The following ERCC6 variants were observed in gnomAD, a reference collection of about 807,000 sequenced individuals.
ERCC6 encodes ERCC excision repair 6, chromatin remodeling factor.
A neutral mutation model predicts 158.7 loss-of-function variants in ERCC6; 116 were observed. That is an observed-to-expected ratio of 0.73 (90% CI 0.63 to 0.85). The LOEUF is 0.85. Ranked by LOEUF, ERCC6 falls within the 40% of genes least tolerant of loss-of-function variation. The probability of loss-of-function intolerance (pLI) is 0.00; values close to 1 mark genes in which losing one functional copy is unlikely to be tolerated. For missense variants in ERCC6, 1,698 were observed against 1,799.4 expected, an observed-to-expected ratio of 0.94 and a Z score of 1.02; for synonymous variants, 678 against 659.3, an observed-to-expected ratio of 1.03 and a Z score of -0.43.
chr10:49,532,435 G>T, intron 2 of ERCC6, 108 bp downstream of exon 2: 1 of 1,542,914 alleles, frequency 6.5e-7, no homozygotes, highest in Non-Finnish European at 8.8e-7. Context: ...CCAAATAAAA[G>T]GTTCTACACA....
chr10:49,465,521 G>A (rs1421026999), intron 18 of ERCC6, among the ~76,000 whole-genome samples: 2 of 152,100 alleles, frequency 1.3e-5, no homozygotes, highest in East Asian at 1.9e-4. Flanking sequence ...GATATGGGAG[G>A]GGCCAGAGGT....
Position 49,461,383 on chromosome 10 carries a change from T to C in ERCC6, c.3952A>G (p.Arg1318Gly), listed in dbSNP as rs772464804. The C allele has an allele frequency of 6.2e-7, 1 of 1,613,742 alleles. No homozygotes were observed. Among genetic ancestry groups the C allele is most frequent in the Non-Finnish European group, 8.5e-7 (1 of 1,179,972 alleles). Residue 1318 changes from arginine to glycine, a missense_variant, in exon 19 of 21, where the codon AGG becomes GGG. Coordinates refer to ENST00000355832, the MANE Select transcript of ERCC6 (RefSeq NM_000124.4). ...VSGVPTWTGH[R>G]GISGAPAGKK... ...CCTGCTGGTGCACCAGAAATCCCCCTGTGGCCAGTCCAGGTGGGAACACCA... is the reference window on the plus strand; with the variant it reads ...CCTGCTGGTGCACCAGAAATCCCCCCGTGGCCAGTCCAGGTGGGAACACCA...
chr10:49,496,769 C>T (rs1427285764), intron 7 of ERCC6, among the ~76,000 whole-genome samples: 2 of 152,148 alleles, frequency 1.3e-5, no homozygotes, highest in Non-Finnish European at 2.9e-5. Flanking sequence ...GATTGTGCCA[C>T]TGCACTCCAG....
At chr10:49,467,872 A>C (rs1283919346) in intron 18 of ERCC6, among the ~76,000 whole-genome samples, 5 of 152,010 alleles carry the variant, frequency 3.3e-5, no homozygotes, top group Non-Finnish European at 7.4e-5. Context: ...CCAGCCAGTA[A>C]TTTTTTATTG....
chr10:49,472,601 C>A (rs1402396593), intron 15 of ERCC6, 131 bp from the exon 16 acceptor site: 1 of 905,598 alleles, frequency 1.1e-6, no homozygotes, highest in Admixed American at 1.9e-5. Flanking sequence ...ACGTCAAGTA[C>A]ACCTAAGGCC....
chr10:49,481,835 C>T (rs182334619), intron 10 of ERCC6, among the ~76,000 whole-genome samples: 8 of 152,308 alleles, frequency 5.3e-5, no homozygotes, highest in Admixed American at 2.0e-4. Flanking sequence ...TCCTGCCCCA[C>T]CATCTTTCTC....
downstream of ERCC6, among the ~76,000 whole-genome samples, chr10:49,452,087 G>A (rs73297740): frequency 0.037 from 5,546 of 151,596 alleles, 341 homozygotes; most frequent in African/African-American, 0.13. Context: ...TTTCTCTATT[G>A]TTTTTCTATT....
chr10:49,478,409 C>T lies in ERCC6; in HGVS notation c.2231G>A (p.Arg744Gln), dbSNP rs755554536. Residue 744 changes from arginine to glutamine, a missense_variant, in exon 11 of 21, where the codon CGG becomes CAG. Transcript: ENST00000355832. Reference protein sequence around the residue: ...LRDTINPYLLRRMKSDVKMSL... With the variant: ...LRDTINPYLLQRMKSDVKMSL... The stretch of plus-strand genomic sequence containing the variant: ...CATCTTGACATCTGACTTCATTCTC[C>T]GCAGTAGGTATGGATTTATGGTATC... 5.6e-6 allele frequency: 9 copies of T among 1,613,814 alleles called. No homozygotes were observed. Among genetic ancestry groups the T allele is most frequent in the East Asian group, 2.2e-5 (1 of 44,900 alleles).
Position 49,473,337 on chromosome 10 carries a change from AAAC to A in ERCC6, c.2709+137_2709+139del, listed in dbSNP as rs1850815007. On this transcript the variant is annotated intron_variant, in intron 14 of 20. Coordinates refer to ENST00000355832, the MANE Select transcript of ERCC6 (RefSeq NM_000124.4). ...ATCCAGAAGTAGGGCATAGAGTTAA[AAAC>A]AACAAGTCTCCCCTTAGGCCCCCTC... 32 of 768,548 alleles carry A rather than the reference AAAC, an allele frequency of 4.2e-5. 1 individual carries two copies. The highest frequency in any genetic ancestry group is 3.8e-4 in the South Asian group (27 of 70,400). 47.6% of individuals were successfully genotyped at this position (768,548 alleles called of 1,614,324 possible).
chr10:49,487,366 C>A (rs1851094442), intron 8 of ERCC6, among the ~76,000 whole-genome samples: 1 of 152,156 alleles, frequency 6.6e-6, no homozygotes, highest in African/African-American at 2.4e-5. Flanking sequence ...AAATTCGACA[C>A]CTGCACAATA....
rs115633798 is a variant in ERCC6, at chr10:49,460,396, T to C, written c.4039A>G (p.Thr1347Ala). The change falls in exon 20 of 21, where the codon ACA (threonine) becomes GCA (alanine). Residue 1347 changes from threonine (T) to alanine (A), a missense_variant. Physicochemically the swap from Thr to Ala is moderately conservative, Grantham distance 58. Transcript: ENST00000355832. ...ACCTGGCACTTCTCTGTTGGAGATGTTGATGAAGGATGCTGCACAGAGAAG... is the reference window on the plus strand; with the variant it reads ...ACCTGGCACTTCTCTGTTGGAGATGCTGATGAAGGATGCTGCACAGAGAAG... ...SNFSVQHPSS[T>A]SPTEKCQDGI... 5.2e-5 allele frequency: 84 copies of C among 1,613,638 alleles called. No homozygotes were observed. In the African/African-American group the frequency reaches 7.6e-4, roughly 15 times the overall value.
chr10:49,492,012 C>A (rs1435234223), intron 8 of ERCC6, among the ~76,000 whole-genome samples: 1 of 152,200 alleles, frequency 6.6e-6, no homozygotes, highest in Non-Finnish European at 1.5e-5. Flanking sequence ...AGCATTTACC[C>A]TAATTTATTA....
At chr10:49,452,675 T>C (rs1833821788), downstream of ERCC6, among the ~76,000 whole-genome samples, 1 of 152,182 alleles carries the variant, frequency 6.6e-6, no homozygotes. Context: ...AAATAGGTTA[T>C]GGAGTCTCCA....
At position 49,458,812 on chromosome 10, in the gene ERCC6, T is replaced by G; in HGVS notation, c.*3A>C. The G allele has an allele frequency of 6.2e-7, 1 of 1,614,072 alleles. No individual in the cohort carries two copies. Among genetic ancestry groups the G allele is most frequent in the Non-Finnish European group, 8.5e-7 (1 of 1,179,936 alleles). ...GACTTGAAAGTTTAGGAAGCAATGTTGTTTAGCAGTATTCTGGCTTGAGTT... is the reference window on the plus strand; with the variant it reads ...GACTTGAAAGTTTAGGAAGCAATGTGGTTTAGCAGTATTCTGGCTTGAGTT... On this transcript the variant is annotated 3_prime_UTR_variant, in exon 21 of 21. Coordinates refer to ENST00000355832, the MANE Select transcript of ERCC6 (RefSeq NM_000124.4).
Position 49,478,477 on chromosome 10 carries a change from T to C in ERCC6, c.2170-7A>G, listed in dbSNP as rs759288321. ...ACTTGTAAGCAGTTTTGACCTTTAA[T>C]AAGAGCAGAGAAGGGAACATTACTA... On this transcript the variant is annotated splice_region_variant and splice_polypyrimidine_tract_variant and intron_variant, in intron 10 of 20. Transcript: ENST00000355832. The C allele has an allele frequency of 1.9e-6, 3 of 1,541,698 alleles. No individual in the cohort carries two copies. Among genetic ancestry groups the C allele is most frequent in the Admixed American group, 1.7e-5 (1 of 59,822 alleles).
chr10:49,506,502 A>C (rs1188141301), intron 5 of ERCC6: 1 of 164,820 alleles, frequency 6.1e-6, no homozygotes, highest in Non-Finnish European at 1.3e-5. Context: ...TTGGGGTCAA[A>C]ATCACTGAAT....
In ERCC6 at chr10:49,532,649, C is replaced by A. The variant is rs775540381; in HGVS notation, c.316G>T (p.Glu106Ter). 1 of 1,614,230 alleles carries A rather than the reference C, an allele frequency of 6.2e-7. No individual in the cohort carries two copies. Among genetic ancestry groups the A allele is most frequent in the Non-Finnish European group, 8.5e-7 (1 of 1,180,036 alleles). The change falls in exon 2 of 21, where the codon GAA becomes TAA. Residue 106 changes from glutamate (E) to a stop codon, truncating the protein, a stop_gained. Transcript: ENST00000355832. LOFTEE classifies it high-confidence loss of function. ...GVDVYDQDVLEQGVLQQVDNA... is the reference protein window; with the variant it reads ...GVDVYDQDVL ...TCCACCTGCTGAAGCACTCCCTGTT[C>A]CAGCACGTCCTGGTCATAGACGTCC...
chr10:49,476,500 C>T (rs1850880584), intron 11 of ERCC6, among the ~76,000 whole-genome samples, 190 bp from the exon 12 acceptor site: 1 of 152,174 alleles, frequency 6.6e-6, no homozygotes, highest in Non-Finnish European at 1.5e-5. Context: ...GCCCCTCCAT[C>T]TCTGTCACTT....
At position 49,532,612 on chromosome 10, in the gene ERCC6, T is replaced by G; in HGVS notation, c.353A>C (p.His118Pro). Residue 118 changes from histidine to proline, a missense_variant, in exon 2 of 21, where the codon CAT (histidine) becomes CCT (proline). By Grantham distance (77) the His-to-Pro change is moderately conservative. Coordinates refer to ENST00000355832, the MANE Select transcript of ERCC6 (RefSeq NM_000124.4). ...GAGCTGGGAGGCACGGCTGGCCTCA[T>G]GGATGGCATTGTCCACCTGCTGAAG... Reference protein sequence around the residue: ...GVLQQVDNAIHEASRASQLVD... With the variant: ...GVLQQVDNAIPEASRASQLVD... The G allele has an allele frequency of 6.2e-7, 1 of 1,614,224 alleles. No individual in the cohort carries two copies. The highest frequency in any genetic ancestry group is 8.5e-7 in the Non-Finnish European group (1 of 1,180,040).
Sources: allele counts gnomAD v4.1 joint callset (sites outside exome capture counted in the v4.1 genomes callset), GRCh38; gene constraint gnomAD v4.1.1; transcripts MANE v1.5; gene names NCBI Gene and HGNC (gene_info 2026-07-23, HGNC 2026-07-21).